RGS7: variants seen among roughly 807,000 people sequenced by gnomAD.
The protein encoded by RGS7 is regulator of G protein signaling 7.
RGS7 carries 27 observed loss-of-function variants against 81.1 expected under a neutral mutation model. That is an observed-to-expected ratio of 0.33 (90% CI 0.25 to 0.46). RGS7 has a LOEUF of 0.46. RGS7 is among the 20% of genes least tolerant of loss of function. The pLI, the probability that RGS7 is intolerant of heterozygous loss-of-function variation, is 1.00. For synonymous variants in RGS7, 208 were observed against 207.7 expected (o/e 1.00, Z -0.01); for missense variants, 396 against 607.4 (o/e 0.65, Z 3.66).
intron 2 of RGS7, among the ~76,000 whole-genome samples, chr1:241,255,912 T>A (rs147922211): frequency 6.6e-6 from 1 of 152,172 alleles, no homozygotes; most frequent in Non-Finnish European, 1.5e-5. Flanking sequence ...CTCCACAATA[T>A]GTTTATGAAA....
At position 240,991,919 on chromosome 1, in the gene RGS7, T is replaced by TA. The variant is rs1398007045; in HGVS notation, c.176-8791dup. ...TACACACAGGCCATGTCTAACTGTC[T>TA]AACTGCCTCTATGAAGGACATAGGA... On this transcript the variant is annotated intron_variant, in intron 3 of 18. Transcript: ENST00000440928. Among the ~76,000 whole-genome samples, 7 of 152,198 alleles carry TA rather than the reference T, an allele frequency of 4.6e-5. No homozygotes were observed. In the South Asian group the frequency reaches 1.4e-3, roughly 31 times the overall value.
At chr1:241,227,903 C>T (rs2075415069) in intron 2 of RGS7, among the ~76,000 whole-genome samples, 1 of 152,108 alleles carries the variant, frequency 6.6e-6, no homozygotes, top group African/African-American at 2.4e-5. Context: ...CTTTCTCATC[C>T]CACCGGCCCT....
At chr1:240,780,771 G>T (rs150393769) in intron 18 of RGS7, among the ~76,000 whole-genome samples, 33 of 151,856 alleles carry the variant, frequency 2.2e-4, no homozygotes, top group African/African-American at 6.5e-4. Context: ...AAAATTAGCT[G>T]GGCGTGGTGG....
Position 240,917,595 on chromosome 1 carries a change from G to T in RGS7, c.385+13122C>A, listed in dbSNP as rs1298090506. 4.6e-5 allele frequency among the ~76,000 whole-genome samples: 7 copies of T among 152,186 alleles called. No individual in the cohort carries two copies. In the East Asian group the frequency reaches 1.4e-3, roughly 29 times the overall value. On this transcript the variant is annotated intron_variant, in intron 6 of 18. Coordinates refer to ENST00000440928, the MANE Select transcript of RGS7 (RefSeq NM_001364886.1). ...GTATATTGCTAACTCTAGAAAAACT[G>T]TAAGACATTTAAAAGGAATTATAAT... is the stretch of plus-strand genomic sequence containing the variant.
chr1:241,313,543 A>T (rs1037276877), intron 2 of RGS7, among the ~76,000 whole-genome samples: 2 of 152,238 alleles, frequency 1.3e-5, no homozygotes, highest in Non-Finnish European at 2.9e-5. Flanking sequence ...TCTGATGAAG[A>T]TCTATGAAAA....
intron 6 of RGS7, among the ~76,000 whole-genome samples, chr1:240,879,685 T>C (rs1463874767): frequency 6.6e-6 from 1 of 152,198 alleles, no homozygotes; most frequent in Admixed American, 6.5e-5. Context: ...TGCTTAAATA[T>C]GTATTTCTTG....
chr1:240,851,800 G>A (rs1219845707), intron 9 of RGS7, among the ~76,000 whole-genome samples: 1 of 152,188 alleles, frequency 6.6e-6, no homozygotes, highest in African/African-American at 2.4e-5. Context: ...AGATGTGGTG[G>A]AAATAGCGAG....
intron 3 of RGS7, among the ~76,000 whole-genome samples, chr1:241,089,020 C>CCTCTCTCTCTCTCTCTCTCTCT (rs1491281246): frequency 8.8e-5 from 4 of 45,454 alleles, no homozygotes; most frequent in African/African-American, 2.4e-4. Context: ...AGCAAGACTC[C>CCTCTCTCTCTCTCTCTCTCTCT]ATCTCTCTCT....
At chr1:241,335,939 A>G (rs1573735349) in intron 2 of RGS7, among the ~76,000 whole-genome samples, 2 of 151,110 alleles carry the variant, frequency 1.3e-5, no homozygotes, top group South Asian at 2.1e-4. Flanking sequence ...TGTGTGTTTC[A>G]CTATATAAAA....
At chr1:241,057,552 A>G (rs2061533050) in intron 3 of RGS7, among the ~76,000 whole-genome samples, 1 of 148,222 alleles carries the variant, frequency 6.7e-6, no homozygotes, top group Admixed American at 6.9e-5. Flanking sequence ...GAATCTAGGT[A>G]GTCTAAAGCC....
At chr1:241,056,329 C>G (rs2061476995) in intron 3 of RGS7, among the ~76,000 whole-genome samples, 1 of 152,200 alleles carries the variant, frequency 6.6e-6, no homozygotes, top group South Asian at 2.1e-4. Flanking sequence ...CCGTACTGTT[C>G]ATCTCACCAC....
intron 2 of RGS7, among the ~76,000 whole-genome samples, chr1:241,206,584 T>G (rs2073900296): frequency 6.6e-6 from 1 of 152,200 alleles, no homozygotes. Flanking sequence ...ACTTCTTACT[T>G]TGGCATACAA....
chr1:241,252,616 A>T (rs1281006527), intron 2 of RGS7, among the ~76,000 whole-genome samples: 1 of 152,216 alleles, frequency 6.6e-6, no homozygotes, highest in Non-Finnish European at 1.5e-5. Context: ...CTGGAGGACC[A>T]TAGAATTCAG....
intron 2 of RGS7, among the ~76,000 whole-genome samples, chr1:241,256,900 A>G (rs906593998): frequency 6.6e-6 from 1 of 150,508 alleles, no homozygotes; most frequent in South Asian, 2.1e-4. Flanking sequence ...CCAAGACCCC[A>G]GTTATTCTTA....
intron 3 of RGS7, among the ~76,000 whole-genome samples, chr1:241,060,047 C>T (rs917684694): frequency 2.0e-5 from 3 of 152,156 alleles, no homozygotes; most frequent in African/African-American, 7.2e-5. Context: ...CAGGCACCTC[C>T]CAAACCTAGG....
At chr1:240,781,442 C>T (rs1331103219) in intron 18 of RGS7, among the ~76,000 whole-genome samples, 2 of 152,078 alleles carry the variant, frequency 1.3e-5, no homozygotes, top group African/African-American at 4.8e-5. Context: ...CCCATCTCTA[C>T]TAAAGATACA....
intron 9 of RGS7, among the ~76,000 whole-genome samples, chr1:240,846,854 G>A (rs1659180928): frequency 6.6e-6 from 1 of 152,082 alleles, no homozygotes; most frequent in Non-Finnish European, 1.5e-5. Context: ...ATGTGGCCAG[G>A]AACTGAAGCT....
intron 2 of RGS7, among the ~76,000 whole-genome samples, chr1:241,206,911 TCTCC>T (rs939013277): frequency 1.9e-4 from 29 of 151,274 alleles, no homozygotes; most frequent in African/African-American, 6.5e-4. Context: ...CTTCTTTCTT[TCTCC>T]CTCCCTCCCT....
intron 2 of RGS7, among the ~76,000 whole-genome samples, chr1:241,336,609 G>A (rs748788814): frequency 2.0e-5 from 3 of 152,142 alleles, no homozygotes; most frequent in Non-Finnish European, 4.4e-5. Context: ...GATGCACTCT[G>A]TTTTGGAACC....
Sources: allele counts gnomAD v4.1 joint callset (sites outside exome capture counted in the v4.1 genomes callset), GRCh38; gene constraint gnomAD v4.1.1; transcripts MANE v1.5; gene names NCBI Gene and HGNC (gene_info 2026-07-23, HGNC 2026-07-21).